The following ALOX15 variants were observed in gnomAD, a reference collection of about 807,000 sequenced individuals.
ALOX15 encodes polyunsaturated fatty acid lipoxygenase ALOX15.
Under a neutral mutation model 71.7 loss-of-function variants are expected in ALOX15, and 68 were observed. The ratio of observed to expected loss-of-function variants is 0.95; its 90% CI spans 0.78 to 1.16. ALOX15 has a LOEUF of 1.16. ALOX15 is among the 50% of genes most tolerant of loss of function. The probability of loss-of-function intolerance (pLI) is 0.00; values close to 1 mark genes in which losing one functional copy is unlikely to be tolerated. For missense variants in ALOX15, 798 were observed against 818.8 expected (o/e 0.97, Z 0.31); for synonymous variants, 346 against 333.3 (o/e 1.04, Z -0.42).
chr17:4,633,004 C>T lies in ALOX15; in HGVS notation c.1419-22G>A, dbSNP rs377555000. The T allele has an allele frequency of 9.3e-6, 15 of 1,613,982 alleles. No individual in the cohort carries two copies. The African/African-American group carries it at 1.7e-4, about 19-fold the overall frequency. ...ATACCTACCAACCAACGGAGCAGGG[C>T]CAGGGAGCTGAAGCCAGCTCTGCCC... On this transcript the variant is annotated intron_variant, in intron 10 of 13. Coordinates refer to ENST00000293761, the MANE Select transcript of ALOX15 (RefSeq NM_001140.5).
Position 4,637,158 on chromosome 17 carries a change from AG to A in ALOX15, c.907del (p.Leu303Ter). ...QQHLAAPLVMLKLQPDGKLLP... is the reference protein window; with the variant it reads ...QQHLAAPLVMXKLQPDGKLLP... Reference sequence around the variant, plus strand: ...GAGTTTCCCATCAGGCTGCAATTTCAGCATGACTAGAGGGGCAGCCAGGTGC... The same window carrying A: ...GAGTTTCCCATCAGGCTGCAATTTCACATGACTAGAGGGGCAGCCAGGTGC... On this transcript the variant is annotated frameshift_variant, in exon 7 of 14. Coordinates refer to ENST00000293761, the MANE Select transcript of ALOX15 (RefSeq NM_001140.5). LOFTEE classifies it high-confidence loss of function. 6.2e-7 allele frequency: 1 copy of A among 1,613,880 alleles called. No individual in the cohort carries two copies. The highest frequency in any genetic ancestry group is 1.1e-5 in the South Asian group (1 of 91,010).
At chr17:4,638,056 G>A (rs1419500639) in intron 6 of ALOX15, among the ~76,000 whole-genome samples, 161 bp downstream of exon 6, 2 of 152,084 alleles carry the variant, frequency 1.3e-5, no homozygotes, top group Admixed American at 6.5e-5. Flanking sequence ...GAAGGAGGCC[G>A]AGCAGCTGAG....
intron 9 of ALOX15, 33 bp downstream of exon 9, chr17:4,633,381 A>G: frequency 6.2e-7 from 1 of 1,612,246 alleles, no homozygotes; most frequent in East Asian, 2.2e-5. Context: ...TGGAAAAAAG[A>G]CAGACCCAGA....
intron 9 of ALOX15, 41 bp downstream of exon 9, chr17:4,633,373 G>C (rs776036558): frequency 2.0e-5 from 32 of 1,611,220 alleles, no homozygotes; most frequent in Non-Finnish European, 2.5e-6. Context: ...TCCAGAGCTG[G>C]AAAAAAGACA....
chr17:4,637,329 G>C (rs554772972), intron 6 of ALOX15, 71 bp from the exon 7 acceptor site: 17 of 1,513,944 alleles, frequency 1.1e-5, no homozygotes, highest in African/African-American at 2.8e-5. Context: ...TTCCTCCAAG[G>C]GGGAAGAGAG....
At chr17:4,639,216 C>G in intron 2 of ALOX15, 84 bp from the exon 3 acceptor site, 1 of 1,544,332 alleles carries the variant, frequency 6.5e-7, no homozygotes, top group Non-Finnish European at 8.9e-7. Context: ...AGCACCCCGT[C>G]CTTCTGTGTG....
At position 4,637,139 on chromosome 17, in the gene ALOX15, C is replaced by T. The variant is rs1267995856; in HGVS notation, c.927G>A (p.Gly309=). Reference sequence around the variant, plus strand: ...CCTGGATGACCATGGGCAAGAGTTTCCCATCAGGCTGCAATTTCAGCATGA... The same window carrying T: ...CCTGGATGACCATGGGCAAGAGTTTTCCATCAGGCTGCAATTTCAGCATGA... The part of the protein sequence containing the change: ...PLVMLKLQPD[G]KLLPMVIQLQ... The change falls in exon 7 of 14, where the codon GGG becomes GGA. Residue 309 remains glycine (G), a synonymous_variant. Coordinates refer to ENST00000293761, the MANE Select transcript of ALOX15 (RefSeq NM_001140.5). The T allele has an allele frequency of 1.2e-6, 2 of 1,613,498 alleles. No homozygotes were observed. The highest frequency in any genetic ancestry group is 1.7e-6 in the Non-Finnish European group (2 of 1,179,628).
rs11568113 is a variant in ALOX15, at chr17:4,635,876, G to T, written c.1044C>A (p.Arg348=). The change falls in exon 8 of 14, where the codon CGC becomes CGA. Residue 348 remains arginine, a synonymous_variant. Transcript: ENST00000293761. ...MAWLLAKCWV[R]SSDFQLHELQ... ...GCTCATGGAGCTGGAAGTCAGAGCT[G>T]CGCACCCAGCATTTGGCCAGAAGCC... The T allele has an allele frequency of 3.7e-3, 6,051 of 1,614,242 alleles. 208 individuals are homozygous for T. The African/African-American group carries it at 0.073, about 19-fold the overall frequency.
At position 4,639,636 on chromosome 17, in the gene ALOX15, G is replaced by C. The variant is rs774131581; in HGVS notation, c.136-5C>G. On this transcript the variant is annotated splice_region_variant and splice_polypyrimidine_tract_variant and intron_variant, in intron 1 of 13. Coordinates refer to ENST00000293761, the MANE Select transcript of ALOX15 (RefSeq NM_001140.5). ...TTCCACCTTGAGTTCTGTCTCCTGC[G>C]GGCGACAGAAGAGGCTCAGCCCCGG... 1.9e-6 allele frequency: 3 copies of C among 1,607,392 alleles called. No homozygotes were observed. The East Asian group carries it at 6.7e-5, about 36-fold the overall frequency.
intron 1 of ALOX15, among the ~76,000 whole-genome samples, chr17:4,640,135 A>G (rs1207762609): frequency 1.6e-5 from 2 of 126,050 alleles, no homozygotes; most frequent in Non-Finnish European, 3.3e-5. Flanking sequence ...CGGGGAAGGG[A>G]GGGCGAGCAG....
At chr17:4,634,405 C>T (rs1043621473) in intron 8 of ALOX15, among the ~76,000 whole-genome samples, 8 of 151,880 alleles carry the variant, frequency 5.3e-5, no homozygotes, top group Non-Finnish European at 5.9e-5. Flanking sequence ...TGGGTTCACG[C>T]GATTCTCCTG....
At chr17:4,632,812 G>A in intron 11 of ALOX15, 49 bp downstream of exon 11, 1 of 1,612,482 alleles carries the variant, frequency 6.2e-7, no homozygotes, top group Non-Finnish European at 8.5e-7. Flanking sequence ...ATTCTGGGAA[G>A]ATCTCTTGGG....
At position 4,639,222 on chromosome 17, in the gene ALOX15, G is replaced by A. The variant is rs1401894438; in HGVS notation, c.338-90C>T. The A allele has an allele frequency of 6.6e-6, 10 of 1,521,156 alleles. No individual in the cohort carries two copies. In the East Asian group the frequency reaches 1.8e-4, roughly 27 times the overall value. The allele number at this position is 1,521,156 out of a possible 1,614,324, so 94.2% of individuals were successfully genotyped here. ...GAGAGCCTCAGCACCCCGTCCTTCT[G>A]TGTGGCCTCTGCCCCTTCAGCATCA... is the stretch of plus-strand genomic sequence containing the variant. On this transcript the variant is annotated intron_variant, in intron 2 of 13. Transcript: ENST00000293761.
At chr17:4,634,459 T>G (rs1911021399) in intron 8 of ALOX15, among the ~76,000 whole-genome samples, 1 of 151,118 alleles carries the variant, frequency 6.6e-6, no homozygotes, top group African/African-American at 2.4e-5. Flanking sequence ...TGAACCACCG[T>G]GCCTGGCCTC....
chr17:4,632,527 TTTA>T (rs1910949296), intron 11 of ALOX15, among the ~76,000 whole-genome samples: 2 of 152,160 alleles, frequency 1.3e-5, no homozygotes, highest in African/African-American at 4.8e-5. Context: ...ACGTTAGGTG[TTTA>T]GCAAGCTGGT....
At chr17:4,635,305 G>A (rs1422723259) in intron 8 of ALOX15, among the ~76,000 whole-genome samples, 4 of 151,568 alleles carry the variant, frequency 2.6e-5, no homozygotes, top group South Asian at 4.2e-4. Context: ...CTGGTGGTGC[G>A]CGACTGTAAT....
chr17:4,636,005 G>T, intron 7 of ALOX15, 37 bp from the exon 8 acceptor site: 1 of 1,600,184 alleles, frequency 6.2e-7, no homozygotes, highest in Non-Finnish European at 8.6e-7. Context: ...GAAGGCATGA[G>T]TGCCAGGCAC....
At chr17:4,632,461 C>T (rs1219151692) in intron 11 of ALOX15, among the ~76,000 whole-genome samples, 180 bp from the exon 12 acceptor site, 2 of 152,114 alleles carry the variant, frequency 1.3e-5, no homozygotes, top group Non-Finnish European at 2.9e-5. Context: ...CCGGGAGGGT[C>T]CCACTCAGTG....
intron 1 of ALOX15, 60 bp downstream of exon 1, chr17:4,641,457 G>C: frequency 6.3e-7 from 1 of 1,585,280 alleles, no homozygotes. Flanking sequence ...GTCCTCCCCG[G>C]TATTTGACTG....
Sources: gnomAD v4.1 joint callset for allele counts (sites outside exome capture counted in the v4.1 genomes callset) on GRCh38, gnomAD v4.1.1 for gene constraint, MANE v1.5 for transcripts, NCBI Gene and HGNC (gene_info 2026-07-23, HGNC 2026-07-21) for gene names.